Variants in ANKRD30A observed in about 807,000 individuals in gnomAD.
ANKRD30A encodes the protein ankyrin repeat domain 30A, also known as ankyrin repeat domain-containing protein 30A.
In ANKRD30A, 170 loss-of-function variants were observed where a neutral mutation model predicts 166.3. The ratio of observed to expected loss-of-function variants is 1.02; its 90% CI spans 0.90 to 1.16. The LOEUF is 1.16. Among genes scored for constraint, ANKRD30A ranks in the 50% most tolerant of loss-of-function variants. ANKRD30A has a pLI of 0.00. For missense variants in ANKRD30A, 1,630 were observed against 1,518.0 expected, an observed-to-expected ratio of 1.07 and a Z score of -1.23; for synonymous variants, 564 against 508.9, an observed-to-expected ratio of 1.11 and a Z score of -1.46.
the ANKRD30A span, among the ~76,000 whole-genome samples, chr10:37,247,854 C>T: frequency 6.7e-6 from 1 of 149,108 alleles, no homozygotes; most frequent in Non-Finnish European, 1.5e-5. Flanking sequence ...TGTACTCCAG[C>T]CTGGGCGACA....
the ANKRD30A span, among the ~76,000 whole-genome samples, chr10:37,256,470 C>T: frequency 1.3e-5 from 2 of 152,148 alleles, no homozygotes; most frequent in Non-Finnish European, 2.9e-5. Context: ...TAGTGTGGAA[C>T]TGTTTATGAA....
At chr10:37,242,676 G>T in the ANKRD30A span, among the ~76,000 whole-genome samples, 1 of 152,074 alleles carries the variant, frequency 6.6e-6, no homozygotes, top group Non-Finnish European at 1.5e-5. Context: ...ATGTTTCGAG[G>T]TTCATGGTAT....
chr10:37,260,379 T>C, the ANKRD30A span, among the ~76,000 whole-genome samples: 1 of 152,280 alleles, frequency 6.6e-6, no homozygotes, highest in Non-Finnish European at 1.5e-5. Flanking sequence ...ACCTCTCCCC[T>C]AAGATTTAGG....
At chr10:37,192,555 T>A (rs1840686057) in intron 25 of ANKRD30A, among the ~76,000 whole-genome samples, 1 of 152,088 alleles carries the variant, frequency 6.6e-6, no homozygotes, top group Admixed American at 6.6e-5. Context: ...TTTGTACCTT[T>A]GAACTCTCAT....
chr10:37,134,209 C>G (rs182092430), intron 5 of ANKRD30A, among the ~76,000 whole-genome samples, 156 bp downstream of exon 5: 1 of 152,258 alleles, frequency 6.6e-6, no homozygotes, highest in East Asian at 1.9e-4. Context: ...TTAGGACTTT[C>G]AACAACTTTA....
intron 31 of ANKRD30A, among the ~76,000 whole-genome samples, chr10:37,210,063 A>G (rs1050342306): frequency 4.6e-5 from 7 of 152,204 alleles, no homozygotes; most frequent in Middle Eastern, 6.8e-3. Context: ...TGCTGTACCC[A>G]TCAACCCATC....
chr10:37,193,107 A>T lies in ANKRD30A; in HGVS notation c.2541+15A>T. 6.2e-7 allele frequency: 1 copy of T among 1,604,794 alleles called. No individual in the cohort carries two copies. Among genetic ancestry groups the T allele is most frequent in the Non-Finnish European group, 8.5e-7 (1 of 1,172,556 alleles). The stretch of plus-strand genomic sequence containing the variant: ...GTTTTCTGAAGGTAATAACTTTTAT[A>T]TTTTTATCTTGAGTATTAACTACAT... On this transcript the variant is annotated intron_variant, in intron 26 of 35. Coordinates refer to ENST00000361713, the MANE Select transcript of ANKRD30A (RefSeq NM_052997.3).
chr10:37,210,493 C>T (rs952239509), intron 31 of ANKRD30A, among the ~76,000 whole-genome samples: 6 of 151,896 alleles, frequency 4.0e-5, no homozygotes, highest in Non-Finnish European at 7.4e-5. Context: ...GTAATGGGAT[C>T]GCTGGGTCAA....
chr10:37,152,741 G>T (rs1481401551), intron 12 of ANKRD30A, among the ~76,000 whole-genome samples: 2 of 152,004 alleles, frequency 1.3e-5, no homozygotes, highest in Non-Finnish European at 2.9e-5. Flanking sequence ...TCCTCTTATG[G>T]CAGTCAAGCT....
chr10:37,263,578 G>C, the ANKRD30A span, among the ~76,000 whole-genome samples: 1 of 151,750 alleles, frequency 6.6e-6, no homozygotes, highest in African/African-American at 2.4e-5. Context: ...TAGGTCCTTC[G>C]CATGCGCAGT....
Position 37,125,841 on chromosome 10 carries a change from G to C in ANKRD30A, c.54G>C (p.Pro18=). 3 of 1,141,986 alleles carry C rather than the reference G, an allele frequency of 2.6e-6. No homozygotes were observed. The highest frequency in any genetic ancestry group is 3.8e-6 in the Non-Finnish European group (3 of 780,556). The allele number at this position is 1,141,986 out of a possible 1,614,324, so 70.7% of individuals were successfully genotyped here. Residue 18 remains proline (P), a synonymous_variant, in exon 1 of 36, where the codon CCG becomes CCC. Transcript: ENST00000361713. Reference sequence around the variant, plus strand: ...AGGTCGTGCCGGGCCCGGAGCGCCCGAGCCCTTTCAGCCAGCTAGTCTATA... The same window carrying C: ...AGGTCGTGCCGGGCCCGGAGCGCCCCAGCCCTTTCAGCCAGCTAGTCTATA... ...AVKVVPGPER[P]SPFSQLVYTS... is the part of the protein sequence containing the mutation.
At position 37,162,853 on chromosome 10, in the gene ANKRD30A, A is replaced by G. The variant is rs1281990280; in HGVS notation, c.2002+5A>G. Reference sequence around the variant, plus strand: ...ATGAACAAACATTGAGAGCAGGTAAATTTTTCAATGTAACTATGGAAAGAC... The same window carrying G: ...ATGAACAAACATTGAGAGCAGGTAAGTTTTTCAATGTAACTATGGAAAGAC... On this transcript the variant is annotated splice_donor_5th_base_variant and intron_variant, in intron 17 of 35. Coordinates refer to ENST00000361713, the MANE Select transcript of ANKRD30A (RefSeq NM_052997.3). 6.2e-6 allele frequency: 10 copies of G among 1,612,492 alleles called. No homozygotes were observed. The African/African-American group carries it at 1.3e-4, about 22-fold the overall frequency.
the ANKRD30A span, among the ~76,000 whole-genome samples, chr10:37,259,119 A>G: frequency 6.6e-6 from 1 of 152,240 alleles, no homozygotes; most frequent in African/African-American, 2.4e-5. Flanking sequence ...AGAACTTTGT[A>G]TTAAGAAAGT....
At chr10:37,227,069 C>G (rs1843192203) in intron 34 of ANKRD30A, among the ~76,000 whole-genome samples, 1 of 151,794 alleles carries the variant, frequency 6.6e-6, no homozygotes, top group Non-Finnish European at 1.5e-5. Flanking sequence ...TATAAATTTT[C>G]TATCAGAAAT....
intron 24 of ANKRD30A, among the ~76,000 whole-genome samples, chr10:37,182,836 T>C: frequency 6.7e-6 from 1 of 149,198 alleles, no homozygotes; most frequent in South Asian, 2.2e-4. Context: ...GACCTTGTGG[T>C]CCGCCCGTCT....
intron 31 of ANKRD30A, among the ~76,000 whole-genome samples, chr10:37,213,677 A>G (rs1460141389): frequency 2.0e-5 from 3 of 151,186 alleles, no homozygotes; most frequent in African/African-American, 7.3e-5. Context: ...TGCATTTTAC[A>G]ATATCTAATG....
chr10:37,191,685 G>C (rs572424550), intron 25 of ANKRD30A, among the ~76,000 whole-genome samples: 1,951 of 152,020 alleles, frequency 0.013, 63 homozygotes, highest in African/African-American at 0.045. Flanking sequence ...TCAGCGATTA[G>C]CTTGTTTTTC....
intron 17 of ANKRD30A, among the ~76,000 whole-genome samples, chr10:37,164,586 G>T (rs71502267): frequency 3.4e-4 from 52 of 151,958 alleles, no homozygotes; most frequent in Admixed American, 4.6e-4. Context: ...CATAGCATAC[G>T]GAAATGTAAA....
intron 4 of ANKRD30A, among the ~76,000 whole-genome samples, chr10:37,133,023 A>T (rs1170905152): frequency 1.3e-5 from 2 of 152,106 alleles, no homozygotes; most frequent in Non-Finnish European, 2.9e-5. Context: ...AAGAAAAATT[A>T]AATAGAAATA....
Sources: gnomAD v4.1 joint callset for allele counts (sites outside exome capture counted in the v4.1 genomes callset) on GRCh38, gnomAD v4.1.1 for gene constraint, MANE v1.5 for transcripts, NCBI Gene and HGNC (gene_info 2026-07-23, HGNC 2026-07-21) for gene names.